Variants in MTOR observed in about 807,000 individuals in gnomAD.
MTOR encodes mechanistic target of rapamycin kinase, also known as serine/threonine-protein kinase mTOR.
In MTOR, 70 loss-of-function variants were observed where a neutral mutation model predicts 319.8. The ratio of observed to expected loss-of-function variants is 0.22; its 90% CI spans 0.18 to 0.27. The LOEUF (loss-of-function observed/expected upper bound fraction) is 0.27, where lower values mean the gene tolerates loss of function less well. Among genes scored for constraint, MTOR ranks in the 10% least tolerant of loss-of-function variants. The probability of loss-of-function intolerance (pLI) is 1.00; values close to 1 mark genes in which losing one functional copy is unlikely to be tolerated. For synonymous variants in MTOR, 1,183 were observed against 1,211.4 expected, an observed-to-expected ratio of 0.98 and a Z score of 0.49; for missense variants, 1,890 against 3,274.4, an observed-to-expected ratio of 0.58 and a Z score of 10.32.
chr1:11,108,086 C>G, intron 57 of MTOR, 95 bp downstream of exon 57: 2 of 922,122 alleles, frequency 2.2e-6, no homozygotes, highest in South Asian at 2.9e-5. Context: ...TTTACAGATA[C>G]CTCACCAAAT....
At chr1:11,256,293 G>A in intron 4 of MTOR, 101 bp from the exon 5 acceptor site, 1 of 1,482,242 alleles carries the variant, frequency 6.7e-7, no homozygotes, top group South Asian at 1.4e-5. Flanking sequence ...ACCAGGAACA[G>A]AGAAGGCTTG....
chr1:11,139,387 G>A lies in MTOR; in HGVS notation c.5047C>T (p.Arg1683Trp), dbSNP rs1358692215. 9.3e-6 allele frequency: 15 copies of A among 1,613,858 alleles called. No individual in the cohort carries two copies. Among genetic ancestry groups the A allele is most frequent in the East Asian group, 8.9e-5 (4 of 44,888 alleles). The change falls in exon 36 of 58, where the codon CGG (arginine) becomes TGG (tryptophan). Residue 1683 changes from arginine (R) to tryptophan (W), a missense_variant. Transcript: ENST00000361445. ...LVLLLGVDPS[R>W]QLDHPLPTVH... ...GTTGGCAGAGGATGGTCAAGTTGCC[G>A]AGACGGATCAACTCCCAGGAGCAAC...
rs1648051368 is a variant in MTOR at position 11,241,684 on chromosome 1, G to A, written c.1413-3C>T. 1.9e-6 allele frequency: 3 copies of A among 1,610,984 alleles called. No homozygotes were observed. In the East Asian group the frequency reaches 6.7e-5, roughly 36 times the overall value. On this transcript the variant is annotated splice_region_variant and splice_polypyrimidine_tract_variant and intron_variant, in intron 9 of 57. Transcript: ENST00000361445. ...CCACCTGCATTGCCTTCTGCCTCCT[G>A]TAGAGAAATGGAGAGTGGCTAGTTG...
At chr1:11,152,882 C>T (rs1644196100) in intron 30 of MTOR, among the ~76,000 whole-genome samples, 2 of 152,188 alleles carry the variant, frequency 1.3e-5, no homozygotes, top group South Asian at 2.1e-4. Flanking sequence ...GTTTTAAAAC[C>T]TCTTTTAGTC....
chr1:11,230,317 G>C (rs1646975520), intron 18 of MTOR, among the ~76,000 whole-genome samples: 2 of 152,180 alleles, frequency 1.3e-5, no homozygotes, highest in Non-Finnish European at 2.9e-5. Flanking sequence ...TTACCTGGGA[G>C]GCTGAGACAG....
intron 28 of MTOR, among the ~76,000 whole-genome samples, chr1:11,193,211 A>G (rs12141131): frequency 0.091 from 13,805 of 151,668 alleles, 1,023 homozygotes; most frequent in South Asian, 0.2. Flanking sequence ...AGCTACTAGG[A>G]AGGCAGGAGA....
At chr1:11,259,106 T>G in intron 2 of MTOR, 142 bp downstream of exon 2, 2 of 1,008,228 alleles carry the variant, frequency 2.0e-6, no homozygotes, top group Non-Finnish European at 2.8e-6. Context: ...GCATGTTTTA[T>G]GGATGTGACA....
At chr1:11,112,815 G>T (rs770060844) in intron 54 of MTOR, 37 bp downstream of exon 54, 2 of 1,608,416 alleles carry the variant, frequency 1.2e-6, no homozygotes, top group Non-Finnish European at 8.5e-7. Flanking sequence ...TCTGCACAAG[G>T]GGGAGAGCCT....
intron 8 of MTOR, 28 bp from the exon 9 acceptor site, chr1:11,243,328 G>C (rs1177410609): frequency 6.2e-7 from 1 of 1,607,390 alleles, no homozygotes; most frequent in Non-Finnish European, 8.5e-7. Context: ...AAAGTAGATA[G>C]CTCCAGGTCA....
intron 1 of MTOR, among the ~76,000 whole-genome samples, chr1:11,261,282 G>A (rs1364980404): frequency 2.0e-5 from 3 of 150,718 alleles, no homozygotes; most frequent in Non-Finnish European, 3.0e-5. Flanking sequence ...TGGCCAACAC[G>A]GTGAAATCCC....
rs765730899 is a variant in MTOR at position 11,115,471 on chromosome 1, T to A, written c.7017-3A>T. 6.2e-7 allele frequency: 1 copy of A among 1,613,874 alleles called. No individual in the cohort carries two copies. On this transcript the variant is annotated splice_polypyrimidine_tract_variant and splice_region_variant and intron_variant, in intron 50 of 57. Transcript: ENST00000361445. The surrounding 1 kb of genome is among the most constrained non-coding windows in gnomAD (Gnocchi z 4.5). ...CCAGCATCAGGTTGGATGGGTGTCT[T>A]TGAGAAACAGAAGACAGATCAGGGA...
chr1:11,190,177 C>G (rs1352953372), intron 28 of MTOR, among the ~76,000 whole-genome samples: 1 of 152,218 alleles, frequency 6.6e-6, no homozygotes, highest in African/African-American at 2.4e-5. Flanking sequence ...AGCCTACCAT[C>G]TTGGAGTGCT....
chr1:11,114,838 G>C lies in MTOR; in HGVS notation c.7139C>G (p.Thr2380Arg). The C allele has an allele frequency of 6.2e-7, 1 of 1,614,122 alleles. No homozygotes were observed. The highest frequency in any genetic ancestry group is 8.5e-7 in the Non-Finnish European group (1 of 1,180,008). ...CTCCATAGCATTGGTCAACATTCTT[G>C]TTAGTCTAAATGGAATCTTCTCTGG... ...KFPEKIPFRL[T>R]RMLTNAMEVT... Residue 2380 changes from threonine to arginine, a missense_variant, in exon 52 of 58, where the codon ACA becomes AGA. By Grantham distance (71) the Thr-to-Arg change is moderately conservative. Around this residue, in one of 15 missense-constraint regions of MTOR, gnomAD observed 23 missense variants for 81.7 expected, o/e 0.28. Transcript: ENST00000361445.
chr1:11,136,861 A>G (rs1459228154), intron 36 of MTOR, among the ~76,000 whole-genome samples: 1 of 149,788 alleles, frequency 6.7e-6, no homozygotes, highest in Non-Finnish European at 1.5e-5. Context: ...TTTTTTTTGA[A>G]ACAGAGTTTC....
rs1331117708 is a variant in MTOR, at chr1:11,212,816, T to C, written c.3378A>G (p.Glu1126=). 2.5e-6 allele frequency: 4 copies of C among 1,613,956 alleles called. No individual in the cohort carries two copies. The Middle Eastern group carries it at 4.9e-4, about 199-fold the overall frequency. The change falls in exon 22 of 58, where the codon GAA becomes GAG. Residue 1126 remains glutamate (E), a synonymous_variant. Coordinates refer to ENST00000361445, the MANE Select transcript of MTOR (RefSeq NM_004958.4). The surrounding 1 kb of genome is among the most constrained non-coding windows in gnomAD (Gnocchi z 4.1). Reference sequence around the variant, plus strand: ...CTCACTTTCGAGATGGCAGTGGAGCTTCAGGGGCATCAAACAACTTAACAA... The same window carrying C: ...CTCACTTTCGAGATGGCAGTGGAGCCTCAGGGGCATCAAACAACTTAACAA... The part of the protein sequence containing the change: ...PPIVKLFDAP[E]APLPSRKAAL...
intron 23 of MTOR, 128 bp from the exon 24 acceptor site, chr1:11,211,034 A>C: frequency 1.6e-6 from 1 of 611,174 alleles, no homozygotes; most frequent in Non-Finnish European, 2.9e-6. Context: ...TGTGATATTC[A>C]AAAGAATCCT....
chr1:11,120,534 A>AG (rs1642466832), intron 49 of MTOR, among the ~76,000 whole-genome samples: 1 of 151,538 alleles, frequency 6.6e-6, no homozygotes, highest in African/African-American at 2.4e-5. Context: ...AAAAAAAAAA[A>AG]AGAGATGGAG....
chr1:11,154,589 AT>A (rs1644260175), intron 30 of MTOR, among the ~76,000 whole-genome samples: 1 of 152,174 alleles, frequency 6.6e-6, no homozygotes, highest in Non-Finnish European at 1.5e-5. Context: ...CATGCAAAAC[AT>A]TATAACATCT....
chr1:11,159,530 T>C (rs1412830230), intron 29 of MTOR, among the ~76,000 whole-genome samples: 2 of 151,796 alleles, frequency 1.3e-5, no homozygotes, highest in Non-Finnish European at 2.9e-5. Context: ...AATCCCAGCT[T>C]CTTGGGAGGC....
Sources: allele counts gnomAD v4.1 joint callset (sites outside exome capture counted in the v4.1 genomes callset), GRCh38; gene constraint gnomAD v4.1.1; regional missense constraint gnomAD v4.1.1; non-coding constraint Gnocchi (gnomAD v3.1); transcripts MANE v1.5; gene names NCBI Gene and HGNC (gene_info 2026-07-23, HGNC 2026-07-21).